FOXK2: variants seen among roughly 807,000 people sequenced by gnomAD.
FOXK2 encodes forkhead box protein K2.
A neutral mutation model predicts 53.3 loss-of-function variants in FOXK2; 24 were observed. The observed-to-expected ratio is 0.45, with a 90% CI of 0.33 to 0.63. The LOEUF (loss-of-function observed/expected upper bound fraction) is 0.63, where lower values mean the gene tolerates loss of function less well. FOXK2 is among the 30% of genes least tolerant of loss of function. FOXK2 has a pLI of 0.03. For missense variants in FOXK2, 952 were observed against 910.5 expected, an observed-to-expected ratio of 1.05 and a Z score of -0.59; for synonymous variants, 505 against 407.1, an observed-to-expected ratio of 1.24 and a Z score of -2.89.
intron 1 of FOXK2, among the ~76,000 whole-genome samples, chr17:82,532,311 T>C (rs749102579): frequency 7.9e-5 from 12 of 151,668 alleles, no homozygotes; most frequent in Non-Finnish European, 1.5e-4. Flanking sequence ...GCCCAGCTAG[T>C]TTTTGCATTT....
rs568256902 is a variant in FOXK2 at position 82,573,019 on chromosome 17, T to C, written c.909+1149T>C. ...CAGCCTGGGCAACATGGCGAGACCC[T>C]GTCTCTACAAAAAATAAAAAAAAAT... On this transcript the variant is annotated intron_variant, in intron 4 of 8. Transcript: ENST00000335255. 7.9e-5 allele frequency among the ~76,000 whole-genome samples: 12 copies of C among 152,132 alleles called. No individual in the cohort carries two copies. The South Asian group carries it at 2.5e-3, about 32-fold the overall frequency.
rs1175755924 is a variant in FOXK2 at position 82,602,534 on chromosome 17, G to A, written c.*1035G>A. 4 of 152,344 alleles carry A rather than the reference G, an allele frequency of 2.6e-5. No individual in the cohort carries two copies. The highest frequency in any genetic ancestry group is 9.6e-5 in the African/African-American group (4 of 41,580). 9.4% of individuals were successfully genotyped at this position (152,344 alleles called of 1,614,324 possible). A position where few individuals can be genotyped will look rare whatever the true frequency, so the allele number is the denominator to read the frequency against. On this transcript the variant is annotated 3_prime_UTR_variant, in exon 9 of 9. Transcript: ENST00000335255. ...TTGGGGTGTCCCTCCGGCTCTAGGCGGCCTCTGACCTGCTGTCTACTCCCC... is the reference window on the plus strand; with the variant it reads ...TTGGGGTGTCCCTCCGGCTCTAGGCAGCCTCTGACCTGCTGTCTACTCCCC...
chr17:82,581,568 C>T (rs561572313), intron 4 of FOXK2, among the ~76,000 whole-genome samples: 23 of 151,820 alleles, frequency 1.5e-4, no homozygotes, highest in Non-Finnish European at 2.4e-4. Flanking sequence ...CTCTGCCTCC[C>T]GGGTTCACAC....
At chr17:82,587,829 C>G (rs1567986672) in intron 8 of FOXK2, among the ~76,000 whole-genome samples, 1 of 152,162 alleles carries the variant, frequency 6.6e-6, no homozygotes. Flanking sequence ...TGCTGGCTGC[C>G]GAGTCAACTC....
intron 5 of FOXK2, 35 bp downstream of exon 5, chr17:82,582,969 T>C (rs1200396475): frequency 6.8e-7 from 1 of 1,468,840 alleles, no homozygotes; most frequent in Non-Finnish European, 9.1e-7. Flanking sequence ...CCTCACTTCG[T>C]GCTTACTAAA....
At chr17:82,601,253 C>T (rs766331524) in intron 8 of FOXK2, 50 bp from the exon 9 acceptor site, 32 of 1,572,396 alleles carry the variant, frequency 2.0e-5, no homozygotes, top group Middle Eastern at 4.6e-4. Context: ...TTCTGAGTCG[C>T]GAGGGTTCAC....
At chr17:82,577,836 C>A (rs1428595990) in intron 4 of FOXK2, among the ~76,000 whole-genome samples, 1 of 152,160 alleles carries the variant, frequency 6.6e-6, no homozygotes, top group Admixed American at 6.5e-5. Context: ...CTCCTGGGTT[C>A]AAGTGGTTCT....
chr17:82,603,115 A>G lies in FOXK2; in HGVS notation c.*1616A>G, dbSNP rs1182533585. On this transcript the variant is annotated 3_prime_UTR_variant, in exon 9 of 9. Coordinates refer to ENST00000335255, the MANE Select transcript of FOXK2 (RefSeq NM_004514.4). ...CGTCACTGCGGTGACGCCCATTGAAAGGTATGAAATGACTGCACACTAGCT... is the reference window on the plus strand; with the variant it reads ...CGTCACTGCGGTGACGCCCATTGAAGGGTATGAAATGACTGCACACTAGCT... 5 of 152,536 alleles carry G rather than the reference A, an allele frequency of 3.3e-5. No homozygotes were observed. Among genetic ancestry groups the G allele is most frequent in the Non-Finnish European group, 5.9e-5 (4 of 68,040 alleles). 9.4% of individuals were successfully genotyped at this position (152,536 alleles called of 1,614,324 possible).
chr17:82,530,748 G>A (rs1230608988), intron 1 of FOXK2, among the ~76,000 whole-genome samples: 1 of 152,166 alleles, frequency 6.6e-6, no homozygotes, highest in African/African-American at 2.4e-5. Context: ...GACTGCAGGT[G>A]ATTCCCCTGT....
At position 82,604,315 on chromosome 17, in the gene FOXK2, T is replaced by TAGTAG. The variant is rs1241996666; in HGVS notation, c.*2821_*2825dup. 6.6e-6 allele frequency: 1 copy of TAGTAG among 152,444 alleles called. No individual in the cohort carries two copies. Among genetic ancestry groups the TAGTAG allele is most frequent in the Admixed American group, 6.5e-5 (1 of 15,276 alleles). 9.4% of individuals were successfully genotyped at this position (152,444 alleles called of 1,614,324 possible). The stretch of plus-strand genomic sequence containing the variant: ...TCCTCGGTTGCTCCTCCTCTCACTT[T>TAGTAG]AGTAGAGTACGCGGTGGACAGCTGA... On this transcript the variant is annotated 3_prime_UTR_variant, in exon 9 of 9. Coordinates refer to ENST00000335255, the MANE Select transcript of FOXK2 (RefSeq NM_004514.4).
chr17:82,540,672 G>T (rs971328478), intron 1 of FOXK2, among the ~76,000 whole-genome samples: 3 of 152,144 alleles, frequency 2.0e-5, no homozygotes, highest in Non-Finnish European at 4.4e-5. Flanking sequence ...AAGACCAGCC[G>T]TGAAGGTTCC....
intron 1 of FOXK2, among the ~76,000 whole-genome samples, chr17:82,529,218 CTTT>C (rs753569022): frequency 9.9e-5 from 9 of 90,470 alleles, no homozygotes; most frequent in Non-Finnish European, 1.4e-4. Flanking sequence ...TTGAAAGCGC[CTTT>C]TTTTTTTTTT....
chr17:82,526,796 A>C (rs1023806613), intron 1 of FOXK2, among the ~76,000 whole-genome samples: 8 of 150,280 alleles, frequency 5.3e-5, no homozygotes, highest in Admixed American at 4.0e-4. Flanking sequence ...GCGCCACTGC[A>C]CTCCAACCTG....
chr17:82,539,205 G>A (rs12185277), intron 1 of FOXK2, among the ~76,000 whole-genome samples: 85 of 138,050 alleles, frequency 6.2e-4, no homozygotes, highest in Middle Eastern at 8.5e-3. Context: ...GGTGGCTCAG[G>A]CCCGTAATCT....
intron 3 of FOXK2, among the ~76,000 whole-genome samples, chr17:82,569,950 A>AGT (rs1457143053): frequency 3.3e-5 from 5 of 150,920 alleles, no homozygotes; most frequent in African/African-American, 1.2e-4. Context: ...GGCTGGGCGC[A>AGT]GTGGCTCACG....
chr17:82,550,633 GCTGGGAC>G (rs2044667632), intron 1 of FOXK2, among the ~76,000 whole-genome samples: 2 of 151,526 alleles, frequency 1.3e-5, no homozygotes, highest in South Asian at 4.2e-4. Flanking sequence ...CTCCCGAGTA[GCTGGGAC>G]TACAGGCGCC....
At chr17:82,539,800 G>A (rs557914525) in intron 1 of FOXK2, among the ~76,000 whole-genome samples, 4 of 147,810 alleles carry the variant, frequency 2.7e-5, no homozygotes, top group East Asian at 2.0e-4. Flanking sequence ...CCCTGTCTCC[G>A]TTAAAAATAC....
At chr17:82,571,558 G>A (rs1018279083) in intron 3 of FOXK2, among the ~76,000 whole-genome samples, 166 bp from the exon 4 acceptor site, 6 of 152,056 alleles carry the variant, frequency 3.9e-5, no homozygotes, top group African/African-American at 1.2e-4. Context: ...CCAAGATCGC[G>A]TCACTGTACT....
At chr17:82,575,909 C>T (rs936304461) in intron 4 of FOXK2, among the ~76,000 whole-genome samples, 2 of 150,300 alleles carry the variant, frequency 1.3e-5, no homozygotes, top group South Asian at 2.1e-4. Flanking sequence ...CACACGTCCA[C>T]ACCAGCGTGT....
Sources: gnomAD v4.1 joint callset for allele counts (sites outside exome capture counted in the v4.1 genomes callset) on GRCh38, gnomAD v4.1.1 for gene constraint, MANE v1.5 for transcripts, NCBI Gene and HGNC (gene_info 2026-07-23, HGNC 2026-07-21) for gene names.